The following NTM variants were observed in gnomAD, a reference collection of about 807,000 sequenced individuals.
NTM encodes the protein IgLON family member 2.
A neutral mutation model predicts 42.1 loss-of-function variants in NTM; 13 were observed. The ratio of observed to expected loss-of-function variants is 0.31; its 90% CI spans 0.20 to 0.49. The LOEUF is 0.49. NTM is among the 20% of genes least tolerant of loss of function. The pLI, the probability that NTM is intolerant of heterozygous loss-of-function variation, is 0.99. For synonymous variants in NTM, 187 were observed against 179.2 expected, an observed-to-expected ratio of 1.04 and a Z score of -0.35; for missense variants, 373 against 452.8, an observed-to-expected ratio of 0.82 and a Z score of 1.60.
intron 1 of NTM, among the ~76,000 whole-genome samples, chr11:131,412,982 A>T (rs1235761374): frequency 6.6e-6 from 1 of 152,194 alleles, no homozygotes; most frequent in Non-Finnish European, 1.5e-5. Flanking sequence ...AAAGGATAAC[A>T]TTAAACCTTT....
At chr11:132,330,209 G>A (rs2095774518) in intron 8 of NTM, 24 bp downstream of exon 8, 1 of 1,549,736 alleles carries the variant, frequency 6.5e-7, no homozygotes, top group African/African-American at 1.4e-5. Context: ...TCAGACAGCT[G>A]CTGCCTTGGT....
chr11:131,569,174 C>T (rs1449036530), intron 1 of NTM, among the ~76,000 whole-genome samples: 6 of 142,740 alleles, frequency 4.2e-5, no homozygotes, highest in East Asian at 4.1e-4. Flanking sequence ...GACAGAGTTT[C>T]GCTCTCGTCA....
rs2071923619 is a variant in NTM at position 132,151,597 on chromosome 11, G to A, written c.400+5083G>A. Among the ~76,000 whole-genome samples, 6 of 152,172 alleles carry A rather than the reference G, an allele frequency of 3.9e-5. No homozygotes were observed. The South Asian group carries it at 1.2e-3, about 31-fold the overall frequency. The stretch of plus-strand genomic sequence containing the variant: ...CAGGCCCTAGCTAGGTTTCTCTTTT[G>A]TCACTGGAGTATCTAATCATCCCCT... On this transcript the variant is annotated intron_variant, in intron 3 of 8. Coordinates refer to ENST00000683400, the MANE Select transcript of NTM (RefSeq NM_001352005.2).
chr11:132,306,299 T>C (rs1264927163), intron 4 of NTM: 2 of 152,242 alleles, frequency 1.3e-5, no homozygotes, highest in East Asian at 3.8e-4. Flanking sequence ...TTACAGCTAC[T>C]GTTTTCGTGC....
chr11:132,072,537 A>T (rs2057827085), intron 2 of NTM, among the ~76,000 whole-genome samples: 1 of 152,226 alleles, frequency 6.6e-6, no homozygotes. Context: ...GGGAAAGAAT[A>T]GTTGCCTTTA....
intron 4 of NTM, among the ~76,000 whole-genome samples, chr11:132,228,809 G>T (rs769781820): frequency 1.3e-5 from 2 of 152,096 alleles, no homozygotes; most frequent in Non-Finnish European, 2.9e-5. Flanking sequence ...CTCTTGGTTT[G>T]GGTCACTCAG....
chr11:131,668,250 CTCTATCTATCTA>C lies in NTM; in HGVS notation c.83-243282_83-243271del, dbSNP rs10667464. Among the ~76,000 whole-genome samples, 1,190 of 147,786 alleles carry C rather than the reference CTCTATCTATCTA, an allele frequency of 8.1e-3. 15 individuals are homozygous for C. The highest frequency in any genetic ancestry group is 0.026 in the African/African-American group (1,041 of 40,066). On this transcript the variant is annotated intron_variant, in intron 1 of 8. Coordinates refer to ENST00000683400, the MANE Select transcript of NTM (RefSeq NM_001352005.2). Reference sequence around the variant, plus strand: ...CATATATGTGTGCATGTATATCTACCTCTATCTATCTATCTATCTATCTATCTATCTATCTAT... The same window carrying C: ...CATATATGTGTGCATGTATATCTACCTCTATCTATCTATCTATCTATCTAT...
chr11:131,756,570 C>T (rs1434580087), intron 1 of NTM, among the ~76,000 whole-genome samples: 3 of 151,520 alleles, frequency 2.0e-5, no homozygotes, highest in Non-Finnish European at 2.9e-5. Flanking sequence ...CACTTGTGGT[C>T]CCAGCTACTG....
At chr11:131,573,015 G>T (rs970948082) in intron 1 of NTM, among the ~76,000 whole-genome samples, 1 of 152,150 alleles carries the variant, frequency 6.6e-6, no homozygotes, top group African/African-American at 2.4e-5. Context: ...TCAGGACCAT[G>T]TAAAGATCTC....
At chr11:131,754,698 C>G (rs1197575058) in intron 1 of NTM, among the ~76,000 whole-genome samples, 2 of 151,724 alleles carry the variant, frequency 1.3e-5, no homozygotes, top group Non-Finnish European at 2.9e-5. Flanking sequence ...TTGTCTAAGA[C>G]AGATAAAATC....
At chr11:131,742,421 T>C (rs2081307567) in intron 1 of NTM, among the ~76,000 whole-genome samples, 1 of 152,206 alleles carries the variant, frequency 6.6e-6, no homozygotes, top group South Asian at 2.1e-4. Flanking sequence ...TGATAAAGAC[T>C]ATAAAAATGA....
rs370563787 is a variant in NTM at position 131,782,416 on chromosome 11, T to C, written c.83-129148T>C. Reference sequence around the variant, plus strand: ...TGCATGGCTTCACTGGTTAATTATATAAAATATTTAAGGAGGAAATAATAA... The same window carrying C: ...TGCATGGCTTCACTGGTTAATTATACAAAATATTTAAGGAGGAAATAATAA... On this transcript the variant is annotated intron_variant, in intron 1 of 8. Coordinates refer to ENST00000683400, the MANE Select transcript of NTM (RefSeq NM_001352005.2). Among the ~76,000 whole-genome samples, 4 of 151,934 alleles carry C rather than the reference T, an allele frequency of 2.6e-5. No homozygotes were observed. The East Asian group carries it at 5.8e-4, about 22-fold the overall frequency.
chr11:132,289,141 A>G (rs889153646), intron 4 of NTM, among the ~76,000 whole-genome samples: 1 of 152,126 alleles, frequency 6.6e-6, no homozygotes, highest in African/African-American at 2.4e-5. Context: ...CTGCTTTAAG[A>G]TCTGGCAATT....
intron 3 of NTM, among the ~76,000 whole-genome samples, chr11:132,156,250 A>C (rs2137522269): frequency 6.6e-6 from 1 of 152,274 alleles, no homozygotes; most frequent in East Asian, 1.9e-4. Context: ...CTCCTGGTTC[A>C]TGCCATGTCC....
At chr11:132,129,351 A>C (rs373733374) in intron 2 of NTM, among the ~76,000 whole-genome samples, 3 of 152,332 alleles carry the variant, frequency 2.0e-5, no homozygotes, top group African/African-American at 7.2e-5. Flanking sequence ...ATATTGATTC[A>C]GAGTCTCTGG....
chr11:131,912,392 G>C (rs1011669399), intron 2 of NTM, among the ~76,000 whole-genome samples: 1 of 152,052 alleles, frequency 6.6e-6, no homozygotes, highest in Non-Finnish European at 1.5e-5. Flanking sequence ...TGGCTTCTGG[G>C]GTTAAGGCTT....
chr11:131,984,752 A>T (rs960828714), intron 2 of NTM: 3 of 152,168 alleles, frequency 2.0e-5, no homozygotes, highest in African/African-American at 7.2e-5. Context: ...TTTCAGGCAG[A>T]TCCATTTGCC....
intron 4 of NTM, among the ~76,000 whole-genome samples, chr11:132,254,867 T>C (rs1243762848): frequency 6.6e-6 from 1 of 152,164 alleles, no homozygotes; most frequent in African/African-American, 2.4e-5. Flanking sequence ...TTTCTTCTTG[T>C]GGGGGCTGTT....
chr11:132,168,406 T>G (rs1340354900), intron 3 of NTM, among the ~76,000 whole-genome samples: 4 of 152,146 alleles, frequency 2.6e-5, no homozygotes, highest in African/African-American at 9.7e-5. Context: ...CATATCACTT[T>G]CATTGTAATT....
Sources: allele counts gnomAD v4.1 joint callset (sites outside exome capture counted in the v4.1 genomes callset), GRCh38; gene constraint gnomAD v4.1.1; transcripts MANE v1.5; gene names NCBI Gene and HGNC (gene_info 2026-07-23, HGNC 2026-07-21).